The following MAPKAP1 variants were observed in gnomAD, a reference collection of about 807,000 sequenced individuals.
MAPKAP1 encodes target of rapamycin complex 2 subunit MAPKAP1.
Under a neutral mutation model 65.7 loss-of-function variants are expected in MAPKAP1, and 20 were observed. The ratio of observed to expected loss-of-function variants is 0.30; its 90% CI spans 0.21 to 0.44. The LOEUF is 0.44. MAPKAP1 is among the 20% of genes least tolerant of loss of function. The pLI is 1.00. For synonymous variants in MAPKAP1, 222 were observed against 244.3 expected, an observed-to-expected ratio of 0.91 and a Z score of 0.85; for missense variants, 423 against 648.0, an observed-to-expected ratio of 0.65 and a Z score of 3.77.
intron 8 of MAPKAP1, among the ~76,000 whole-genome samples, chr9:125,488,031 C>T (rs1029693684): frequency 6.6e-6 from 1 of 152,196 alleles, no homozygotes; most frequent in Non-Finnish European, 1.5e-5. Flanking sequence ...ACCAGCAAGG[C>T]TTGTCAATAT....
chr9:125,649,916 C>T (rs1011349306), intron 4 of MAPKAP1, among the ~76,000 whole-genome samples: 2 of 152,008 alleles, frequency 1.3e-5, no homozygotes, highest in East Asian at 1.9e-4. Flanking sequence ...GGAGAGATAT[C>T]TTCAAGATAG....
chr9:125,456,209 T>TGC (rs1853156824), intron 10 of MAPKAP1, among the ~76,000 whole-genome samples: 1 of 152,244 alleles, frequency 6.6e-6, no homozygotes, highest in African/African-American at 2.4e-5. Context: ...GATTATAATG[T>TGC]GCCTTGGTGT....
At chr9:125,560,191 A>G (rs1245034584) in intron 5 of MAPKAP1, among the ~76,000 whole-genome samples, 1 of 152,200 alleles carries the variant, frequency 6.6e-6, no homozygotes, top group African/African-American at 2.4e-5. Context: ...AATGTAAAAA[A>G]TATATATATA....
intron 4 of MAPKAP1, chr9:125,652,292 G>T: frequency 8.5e-7 from 1 of 1,173,030 alleles, no homozygotes; most frequent in Non-Finnish European, 1.1e-6. Context: ...ATGTATTTAA[G>T]GACTATCATC....
chr9:125,651,006 AC>A (rs1833877140), intron 4 of MAPKAP1, among the ~76,000 whole-genome samples: 1 of 152,124 alleles, frequency 6.6e-6, no homozygotes, highest in South Asian at 2.1e-4. Flanking sequence ...TTGCTCTGTC[AC>A]CTAGGCTGGA....
chr9:125,565,963 A>G (rs1437396151), intron 5 of MAPKAP1, among the ~76,000 whole-genome samples: 1 of 152,194 alleles, frequency 6.6e-6, no homozygotes, highest in Non-Finnish European at 1.5e-5. Flanking sequence ...AAATGTATGC[A>G]ATAATTCCAC....
intron 1 of MAPKAP1, among the ~76,000 whole-genome samples, chr9:125,700,572 T>C (rs922499656): frequency 1.3e-5 from 2 of 152,226 alleles, no homozygotes; most frequent in Non-Finnish European, 2.9e-5. Context: ...GTTTCTCCCA[T>C]TTTTCTCACT....
chr9:125,474,555 G>C (rs1854036047), intron 9 of MAPKAP1, among the ~76,000 whole-genome samples: 1 of 152,136 alleles, frequency 6.6e-6, no homozygotes, highest in South Asian at 2.1e-4. Context: ...AAACTGGAGA[G>C]CTTGGGTTCA....
intron 3 of MAPKAP1, among the ~76,000 whole-genome samples, chr9:125,665,481 AC>A (rs35524050): frequency 0.3 from 45,391 of 151,766 alleles, 7,829 homozygotes; most frequent in Non-Finnish European, 0.39. Flanking sequence ...TGTGAGAACC[AC>A]CCCCTGACCC....
intron 7 of MAPKAP1, among the ~76,000 whole-genome samples, chr9:125,515,644 T>C (rs1160649173): frequency 1.3e-5 from 2 of 152,244 alleles, no homozygotes; most frequent in African/African-American, 4.8e-5. Flanking sequence ...CGTAACTAAA[T>C]TGAACCGATC....
intron 11 of MAPKAP1, among the ~76,000 whole-genome samples, chr9:125,440,675 A>G (rs2132915203): frequency 6.6e-6 from 1 of 152,322 alleles, no homozygotes; most frequent in East Asian, 1.9e-4. Flanking sequence ...TGGTTGGAGC[A>G]GCAGGCGTTA....
rs886977389 is a variant in MAPKAP1, at chr9:125,438,470, G to A, written c.*417C>T. On this transcript the variant is annotated 3_prime_UTR_variant, in exon 12 of 12. Transcript: ENST00000265960. ...AAGAATGGTCCATCATACCAACCAT[G>A]ATAAAGAGTACACCTGTTTATTAAA... is the stretch of plus-strand genomic sequence containing the variant. 2 of 402,298 alleles carry A rather than the reference G, an allele frequency of 5.0e-6. No individual in the cohort carries two copies. The highest frequency in any genetic ancestry group is 8.8e-6 in the Non-Finnish European group (2 of 228,308). The allele number at this position is 402,298 out of a possible 1,614,324, so 24.9% of individuals were successfully genotyped here. A position where few individuals can be genotyped will look rare whatever the true frequency, so the allele number is the denominator to read the frequency against.
intron 1 of MAPKAP1, among the ~76,000 whole-genome samples, chr9:125,694,628 A>C (rs949187103): frequency 6.6e-6 from 1 of 152,188 alleles, no homozygotes; most frequent in Non-Finnish European, 1.5e-5. Flanking sequence ...AATGTTAGAC[A>C]CACTTTATAG....
intron 4 of MAPKAP1, among the ~76,000 whole-genome samples, chr9:125,637,130 G>A (rs1396635829): frequency 6.6e-6 from 1 of 151,996 alleles, no homozygotes; most frequent in Non-Finnish European, 1.5e-5. Flanking sequence ...TTAGCCGGAT[G>A]TGGTGGCGCA....
chr9:125,587,827 C>T (rs1299510277), intron 4 of MAPKAP1, among the ~76,000 whole-genome samples: 1 of 152,060 alleles, frequency 6.6e-6, no homozygotes, highest in African/African-American at 2.4e-5. Flanking sequence ...ATATCATTAA[C>T]CATAATGTAA....
chr9:125,511,817 C>T (rs1294048180), intron 7 of MAPKAP1, among the ~76,000 whole-genome samples: 1 of 152,234 alleles, frequency 6.6e-6, no homozygotes, highest in Non-Finnish European at 1.5e-5. Context: ...CATGAAGCCG[C>T]ATACCCTCCA....
intron 4 of MAPKAP1, among the ~76,000 whole-genome samples, chr9:125,598,765 C>T (rs758796391): frequency 3.9e-5 from 6 of 152,058 alleles, no homozygotes; most frequent in Non-Finnish European, 8.8e-5. Context: ...TACGGGCCGG[C>T]GCAGTAGCTC....
intron 1 of MAPKAP1, among the ~76,000 whole-genome samples, chr9:125,699,487 G>C (rs117581847): frequency 0.02 from 2,984 of 151,968 alleles, 158 homozygotes; most frequent in East Asian, 0.15. Flanking sequence ...CTGGTTATGA[G>C]CCACCTCACC....
At chr9:125,491,724 T>C (rs1434446939) in intron 8 of MAPKAP1, among the ~76,000 whole-genome samples, 1 of 151,718 alleles carries the variant, frequency 6.6e-6, no homozygotes, top group Non-Finnish European at 1.5e-5. Context: ...GAGGTTGCAG[T>C]GAGCTGTGAT....
Sources: allele counts gnomAD v4.1 joint callset (sites outside exome capture counted in the v4.1 genomes callset), GRCh38; gene constraint gnomAD v4.1.1; transcripts MANE v1.5; gene names NCBI Gene and HGNC (gene_info 2026-07-23, HGNC 2026-07-21).